Variants in BORCS5 observed in about 807,000 individuals in gnomAD.
BORCS5 encodes BLOC-1 related complex subunit 5, also known as BLOC-1-related complex subunit 5.
A neutral mutation model predicts 22.1 loss-of-function variants in BORCS5; 17 were observed. The ratio of observed to expected loss-of-function variants is 0.77; its 90% CI spans 0.53 to 1.15. The LOEUF (loss-of-function observed/expected upper bound fraction) is 1.15. Ranked by LOEUF, BORCS5 falls within the 50% of genes most tolerant of loss-of-function variation. BORCS5 has a pLI of 0.00. For synonymous variants in BORCS5, 117 were observed against 99.8 expected, an observed-to-expected ratio of 1.17 and a Z score of -1.03; for missense variants, 247 against 253.2, an observed-to-expected ratio of 0.98 and a Z score of 0.17.
intron 3 of BORCS5, among the ~76,000 whole-genome samples, chr12:12,462,264 C>T (rs1943120347): frequency 6.6e-6 from 1 of 152,172 alleles, no homozygotes; most frequent in Non-Finnish European, 1.5e-5. Context: ...TTTTAAGTGG[C>T]CACTCTTGTT....
At chr12:12,418,577 CT>C in intron 2 of BORCS5, among the ~76,000 whole-genome samples, 1 of 152,232 alleles carries the variant, frequency 6.6e-6, no homozygotes, top group Non-Finnish European at 1.5e-5. Context: ...GTCCCAGCTA[CT>C]TGGGAGTCTA....
chr12:12,415,107 G>T (rs1419284126), intron 2 of BORCS5, among the ~76,000 whole-genome samples: 2 of 151,360 alleles, frequency 1.3e-5, no homozygotes, highest in Non-Finnish European at 3.0e-5. Flanking sequence ...CCAGACGATG[G>T]GGGGCCAGGC....
chr12:12,423,288 A>G (rs1942188156), intron 2 of BORCS5, among the ~76,000 whole-genome samples: 4 of 152,058 alleles, frequency 2.6e-5, no homozygotes, highest in Admixed American at 2.6e-4. Flanking sequence ...AGGCATGAAC[A>G]GTACATGGGC....
intron 3 of BORCS5, among the ~76,000 whole-genome samples, chr12:12,438,548 C>T (rs1165305036): frequency 6.6e-6 from 1 of 152,022 alleles, no homozygotes; most frequent in African/African-American, 2.4e-5. Flanking sequence ...TTCAAGACTT[C>T]AGAGCAGTGT....
intron 2 of BORCS5, among the ~76,000 whole-genome samples, chr12:12,374,155 T>C (rs1863593276): frequency 1.4e-5 from 2 of 142,628 alleles, no homozygotes; most frequent in Admixed American, 6.9e-5. Context: ...GTCTGGCTAA[T>C]TTTTTTTTTG....
chr12:12,382,865 A>G (rs1863804533), intron 2 of BORCS5, among the ~76,000 whole-genome samples: 1 of 149,984 alleles, frequency 6.7e-6, no homozygotes, highest in African/African-American at 2.5e-5. Flanking sequence ...TTTGCTTTCA[A>G]CTCTTTTGTG....
chr12:12,438,374 A>AAAAAAACAAAAAAC (rs1942606655), intron 3 of BORCS5, among the ~76,000 whole-genome samples: 13 of 125,062 alleles, frequency 1.0e-4, no homozygotes, highest in South Asian at 4.4e-4. Flanking sequence ...AAAAAAAAAA[A>AAAAAAACAAAAAAC]AAAAAACGAA....
intron 2 of BORCS5, among the ~76,000 whole-genome samples, chr12:12,428,559 C>G (rs142831526): frequency 1.8e-5 from 2 of 111,538 alleles, no homozygotes; most frequent in East Asian, 4.1e-4. Context: ...GGTGCATCCC[C>G]GTATTAAACT....
At chr12:12,455,663 C>T (rs960049458) in intron 3 of BORCS5, among the ~76,000 whole-genome samples, 3 of 151,924 alleles carry the variant, frequency 2.0e-5, no homozygotes, top group African/African-American at 4.8e-5. Context: ...CCTGTAATCC[C>T]AGCTACTTGG....
chr12:12,400,976 A>G (rs1941458056), intron 2 of BORCS5, among the ~76,000 whole-genome samples: 1 of 152,088 alleles, frequency 6.6e-6, no homozygotes, highest in South Asian at 2.1e-4. Context: ...AGATTTATCC[A>G]TGTTGATATA....
chr12:12,382,409 A>G (rs544640928), intron 2 of BORCS5, among the ~76,000 whole-genome samples: 4 of 151,230 alleles, frequency 2.6e-5, no homozygotes, highest in African/African-American at 9.7e-5. Context: ...CTTATGACTC[A>G]TACATCTCCC....
rs747708146 is a variant in BORCS5, at chr12:12,465,674, C to T, written c.489C>T (p.Ile163=). The T allele has an allele frequency of 1.5e-5, 24 of 1,614,148 alleles. No individual in the cohort carries two copies. The highest frequency in any genetic ancestry group is 2.7e-5 in the African/African-American group (2 of 74,948). ...SAILRRIQMG[I]DQTVPLLDRL... Reference sequence around the variant, plus strand: ...TCCTCCGCCGCATACAGATGGGCATCGACCAGACTGTGCCCCTGCTGGACA... The same window carrying T: ...TCCTCCGCCGCATACAGATGGGCATTGACCAGACTGTGCCCCTGCTGGACA... Residue 163 remains isoleucine, a synonymous_variant, in exon 4 of 4, where the codon ATC becomes ATT. Coordinates refer to ENST00000314565, the MANE Select transcript of BORCS5 (RefSeq NM_058169.6).
rs1237815502 is a variant in BORCS5, at chr12:12,357,338, G to T, written c.-114G>T. ...CCCCACACATTAGCCTCGCTGCGGC[G>T]CCCAGACTCTGCTTTGCCTCCCCGT... On this transcript the variant is annotated 5_prime_UTR_variant, in exon 1 of 4. Transcript: ENST00000314565. The T allele has an allele frequency of 3.4e-6, 5 of 1,483,604 alleles. No individual in the cohort carries two copies. Among genetic ancestry groups the T allele is most frequent in the Non-Finnish European group, 2.7e-6 (3 of 1,111,040 alleles). The allele number at this position is 1,483,604 out of a possible 1,614,324, so 91.9% of individuals were successfully genotyped here. A position where few individuals can be genotyped will look rare whatever the true frequency, so the allele number is the denominator to read the frequency against.
chr12:12,447,265 G>C (rs894193403), intron 3 of BORCS5, among the ~76,000 whole-genome samples: 17 of 152,150 alleles, frequency 1.1e-4, no homozygotes, highest in African/African-American at 3.4e-4. Context: ...CCCTCCTGCT[G>C]GTGTCTGCTC....
At chr12:12,405,779 G>C (rs1941582657) in intron 2 of BORCS5, among the ~76,000 whole-genome samples, 1 of 152,190 alleles carries the variant, frequency 6.6e-6, no homozygotes, top group Non-Finnish European at 1.5e-5. Context: ...CTACATTCAA[G>C]GTATATAGTG....
At position 12,444,951 on chromosome 12, in the gene BORCS5, A is replaced by C. The variant is rs768132154; in HGVS notation, c.360+9166A>C. On this transcript the variant is annotated intron_variant, in intron 3 of 3. Coordinates refer to ENST00000314565, the MANE Select transcript of BORCS5 (RefSeq NM_058169.6). ...ATGAGCTTAAAAACAACAACAACAA[A>C]AAAAACTCATAATATTTTAAGAAAG... is the stretch of plus-strand genomic sequence containing the variant. Among the ~76,000 whole-genome samples the C allele has an allele frequency of 9.2e-5, 14 of 152,320 alleles. No homozygotes were observed. In the East Asian group the frequency reaches 9.6e-4, roughly 10 times the overall value.
chr12:12,420,271 C>T (rs1169359616), intron 2 of BORCS5, among the ~76,000 whole-genome samples: 7 of 152,048 alleles, frequency 4.6e-5, no homozygotes, highest in African/African-American at 9.7e-5. Flanking sequence ...TATGGCTAGC[C>T]AGTTTTCCCA....
At chr12:12,399,342 G>A (rs767039200) in intron 2 of BORCS5, among the ~76,000 whole-genome samples, 1 of 152,132 alleles carries the variant, frequency 6.6e-6, no homozygotes, top group African/African-American at 2.4e-5. Context: ...GGTTTCTTAC[G>A]TAGCCCACTA....
chr12:12,421,306 A>T (rs1389233106), intron 2 of BORCS5, among the ~76,000 whole-genome samples: 1 of 152,188 alleles, frequency 6.6e-6, no homozygotes, highest in Non-Finnish European at 1.5e-5. Context: ...TATTGAGATA[A>T]TCATGTGTTT....
Sources: gnomAD v4.1 joint callset for allele counts (sites outside exome capture counted in the v4.1 genomes callset) on GRCh38, gnomAD v4.1.1 for gene constraint, MANE v1.5 for transcripts, NCBI Gene and HGNC (gene_info 2026-07-23, HGNC 2026-07-21) for gene names.